GABRA3: variants seen among roughly 807,000 people sequenced by gnomAD.
GABRA3 encodes the protein gamma-aminobutyric acid type A receptor subunit alpha3.
Under a neutral mutation model 30.1 loss-of-function variants are expected in GABRA3, and 10 were observed. That is an observed-to-expected ratio of 0.33 (90% confidence interval 0.20 to 0.56). The LOEUF (loss-of-function observed/expected upper bound fraction) is 0.56, where lower values mean the gene tolerates loss of function less well. Among genes scored for constraint, GABRA3 ranks in the 20% least tolerant of loss-of-function variants. The pLI is 0.89. For missense variants in GABRA3, 233 were observed against 392.0 expected, an observed-to-expected ratio of 0.59 and a Z score of 3.42; for synonymous variants, 151 against 146.8, an observed-to-expected ratio of 1.03 and a Z score of -0.21.
chrX:152,374,918 T>C (rs1481066673), intron 1 of GABRA3, among the ~76,000 whole-genome samples: 1 of 111,459 alleles, frequency 9.0e-6, no homozygotes, highest in Non-Finnish European at 1.9e-5. Context: ...TTGCTTGTTT[T>C]TGTCAAGTTT....
intron 3 of GABRA3, among the ~76,000 whole-genome samples, chrX:152,299,020 A>G (rs941478605): frequency 1.8e-5 from 2 of 112,189 alleles, no homozygotes; most frequent in Non-Finnish European, 3.8e-5. Flanking sequence ...AGAGGTAGCT[A>G]CACTGTCGTT....
chrX:152,275,121 A>G (rs1203649292), intron 4 of GABRA3, among the ~76,000 whole-genome samples: 2 of 77,893 alleles, frequency 2.6e-5, no homozygotes, highest in Non-Finnish European at 4.9e-5. Context: ...TTTAATTTAA[A>G]CATTAAATAT....
At chrX:152,337,334 C>G (rs1940248874) in intron 3 of GABRA3, among the ~76,000 whole-genome samples, 1 of 111,041 alleles carries the variant, frequency 9.0e-6, no homozygotes, top group African/African-American at 3.3e-5. Flanking sequence ...ATATTTATAC[C>G]TAATCAACTT....
At chrX:152,307,384 T>A (rs1939735270) in intron 3 of GABRA3, among the ~76,000 whole-genome samples, 1 of 111,759 alleles carries the variant, frequency 8.9e-6, no homozygotes, top group Admixed American at 9.5e-5. Context: ...ATTCTAAATA[T>A]TTGAGGAAGA....
intron 2 of GABRA3, among the ~76,000 whole-genome samples, chrX:152,346,579 G>T (rs780526253): frequency 8.9e-6 from 1 of 111,978 alleles, no homozygotes; most frequent in East Asian, 2.8e-4. Flanking sequence ...GAAAATATTT[G>T]CAAACTATCC....
At chrX:152,187,655 C>G (rs1937273221) in intron 9 of GABRA3, among the ~76,000 whole-genome samples, 1 of 111,396 alleles carries the variant, frequency 9.0e-6, no homozygotes, top group Admixed American at 9.6e-5. Context: ...ACAAGGAAGA[C>G]TACTCATAAG....
rs34355005 is a variant in GABRA3, at chrX:152,383,973, CAAAAAAA to C, written c.-26-19384_-26-19378del. Among the ~76,000 whole-genome samples, 98 of 73,192 alleles carry C rather than the reference CAAAAAAA, an allele frequency of 1.3e-3. 1 individual carries two copies. Among genetic ancestry groups the C allele is most frequent in the Non-Finnish European group, 2.1e-3 (83 of 39,409 alleles). The allele number at this position is 73,192 out of a possible 115,157, so 63.6% of individuals were successfully genotyped here. A position where few individuals can be genotyped will look rare whatever the true frequency, so the allele number is the denominator to read the frequency against. Reference sequence around the variant, plus strand: ...GTGGAAAACCCTACAGACTCCACCACAAAAAAAAAAAAAAAAAGAAAAACCTATCCAA... The same window carrying C: ...GTGGAAAACCCTACAGACTCCACCACAAAAAAAAAAGAAAAACCTATCCAA... On this transcript the variant is annotated intron_variant, in intron 1 of 9. Transcript: ENST00000370314.
intron 3 of GABRA3, among the ~76,000 whole-genome samples, chrX:152,309,332 T>G (rs1939766538): frequency 9.0e-6 from 1 of 110,937 alleles, no homozygotes; most frequent in Admixed American, 9.6e-5. Context: ...CCAAAACACA[T>G]AGTCATCAGA....
At chrX:152,293,264 C>G (rs192009292) in intron 3 of GABRA3, among the ~76,000 whole-genome samples, 34 of 111,364 alleles carry the variant, frequency 3.1e-4, no homozygotes, top group South Asian at 7.7e-4. Flanking sequence ...ATTTAGGATA[C>G]TTAGCTCTTC....
chrX:152,407,728 G>A (rs976672593), intron 1 of GABRA3, among the ~76,000 whole-genome samples: 13 of 111,486 alleles, frequency 1.2e-4, no homozygotes, highest in African/African-American at 4.2e-4. Context: ...ATTCTATGAG[G>A]CCAGTATTAC....
chrX:152,330,669 G>A (rs751586890), intron 3 of GABRA3, among the ~76,000 whole-genome samples: 36 of 102,522 alleles, frequency 3.5e-4, no homozygotes, highest in East Asian at 3.1e-3. Context: ...TGGACACAGC[G>A]TGGAGAACAT....
intron 3 of GABRA3, among the ~76,000 whole-genome samples, chrX:152,307,938 G>A (rs1176169246): frequency 8.9e-6 from 1 of 112,464 alleles, no homozygotes; most frequent in Non-Finnish European, 1.9e-5. Flanking sequence ...AGGGTTTGGC[G>A]TGAGAATGGC....
intron 1 of GABRA3, among the ~76,000 whole-genome samples, chrX:152,413,134 A>C (rs1930113996): frequency 9.0e-6 from 1 of 111,274 alleles, no homozygotes. Flanking sequence ...TATCACATGC[A>C]AATGATCCTC....
At chrX:152,182,714 A>ACTATATATACAC (rs376114022) in intron 9 of GABRA3, among the ~76,000 whole-genome samples, 1,411 of 4,126 alleles carry the variant, frequency 0.34, no homozygotes, top group East Asian at 0.41. Flanking sequence ...GTATATATAC[A>ACTATATATACAC]TATATAGGTA....
intron 1 of GABRA3, among the ~76,000 whole-genome samples, chrX:152,430,059 A>C (rs2124544446): frequency 8.9e-6 from 1 of 112,385 alleles, no homozygotes; most frequent in South Asian, 3.7e-4. Flanking sequence ...CCATCTAAAA[A>C]TCCTGAAGGA....
chrX:152,406,692 A>G (rs917217294), intron 1 of GABRA3, among the ~76,000 whole-genome samples: 12 of 109,544 alleles, frequency 1.1e-4, no homozygotes, highest in Non-Finnish European at 2.3e-4. Flanking sequence ...CAATGAACAG[A>G]TCGTCCAGAC....
chrX:152,290,156 C>A (rs1355238609), intron 3 of GABRA3, among the ~76,000 whole-genome samples: 1 of 111,890 alleles, frequency 8.9e-6, no homozygotes, highest in Non-Finnish European at 1.9e-5. Flanking sequence ...ATTCCTATTT[C>A]TCCACATCCT....
At chrX:152,229,632 T>G (rs1463071426) in intron 5 of GABRA3, among the ~76,000 whole-genome samples, 1 of 109,734 alleles carries the variant, frequency 9.1e-6, no homozygotes, top group Non-Finnish European at 1.9e-5. Flanking sequence ...AAATAGCAAC[T>G]AGGCTACTGT....
chrX:152,404,041 T>C (rs1167783492), intron 1 of GABRA3, among the ~76,000 whole-genome samples: 1 of 110,812 alleles, frequency 9.0e-6, no homozygotes, highest in African/African-American at 3.3e-5. Context: ...ATCATGGAGT[T>C]TGGGGCCCAG....
Sources: allele counts gnomAD v4.1 joint callset (sites outside exome capture counted in the v4.1 genomes callset), GRCh38; gene constraint gnomAD v4.1.1; transcripts MANE v1.5; gene names NCBI Gene and HGNC (gene_info 2026-07-23, HGNC 2026-07-21).